TAF1: variants seen among roughly 807,000 people sequenced by gnomAD.
The protein encoded by TAF1 is transcription initiation factor TFIID subunit 1.
TAF1 carries 2 observed loss-of-function variants against 138.5 expected under a neutral mutation model. The ratio of observed to expected loss-of-function variants is 0.01; its 90% CI spans 0.01 to 0.05. TAF1 has a LOEUF of 0.05. Among genes scored for constraint, TAF1 ranks in the 10% least tolerant of loss-of-function variants. The pLI is 1.00. For synonymous variants in TAF1, 437 were observed against 503.2 expected (o/e 0.87, Z 1.76); for missense variants, 709 against 1,478.0 (o/e 0.48, Z 8.53).
intron 28 of TAF1, among the ~76,000 whole-genome samples, chrX:71,410,393 A>G (rs2035709672): frequency 9.3e-6 from 1 of 107,103 alleles, no homozygotes. Flanking sequence ...CATCCTGCAC[A>G]TGTACTAAAA....
At chrX:71,458,394 AT>A in intron 35 of TAF1, 28 bp downstream of exon 35, 1 of 1,202,106 alleles carries the variant, frequency 8.3e-7, no homozygotes, top group Non-Finnish European at 1.1e-6. Context: ...TCTTTATAAG[AT>A]TGTTATTGTG....
intron 25 of TAF1, among the ~76,000 whole-genome samples, chrX:71,403,236 C>T (rs1255610305): frequency 1.8e-5 from 2 of 110,710 alleles, no homozygotes; most frequent in East Asian, 5.7e-4. Flanking sequence ...GCCATGTTGC[C>T]CAGGCTGGTC....
chrX:71,379,102 G>A, intron 8 of TAF1, 71 bp downstream of exon 8: 1 of 532,009 alleles, frequency 1.9e-6, no homozygotes, highest in South Asian at 4.3e-5. Context: ...GGGCTCAGCT[G>A]TGATTTTTTT....
intron 32 of TAF1, among the ~76,000 whole-genome samples, chrX:71,427,566 G>T (rs946371070): frequency 8.9e-6 from 1 of 111,861 alleles, no homozygotes; most frequent in Admixed American, 9.5e-5. Flanking sequence ...TAAGCAGAGG[G>T]CAGATGGACA....
chrX:71,458,446 TA>T (rs2038402266), intron 35 of TAF1, 80 bp downstream of exon 35: 1 of 1,100,342 alleles, frequency 9.1e-7, no homozygotes, highest in African/African-American at 1.8e-5. Flanking sequence ...GTGATGGTGA[TA>T]TGTGACATAT....
intron 13 of TAF1, among the ~76,000 whole-genome samples, chrX:71,505,114 G>C (rs965491336): frequency 9.1e-6 from 1 of 110,337 alleles, no homozygotes; most frequent in African/African-American, 3.3e-5. Flanking sequence ...CTGGGCAACA[G>C]AGCGAGACCC....
intron 11 of TAF1, 53 bp from the exon 12 acceptor site, chrX:71,382,938 A>G (rs2033985259): frequency 8.4e-6 from 10 of 1,192,736 alleles, no homozygotes; most frequent in Non-Finnish European, 1.1e-5. Context: ...ATATGGGAAA[A>G]TCTTGCTTAG....
intron 5 of TAF1, 69 bp from the exon 6 acceptor site, chrX:71,377,534 A>G: frequency 8.9e-7 from 1 of 1,126,698 alleles, no homozygotes; most frequent in Non-Finnish European, 1.2e-6. Flanking sequence ...GGGAGTTTTC[A>G]GGCCCAGATG....
intron 13 of TAF1, among the ~76,000 whole-genome samples, chrX:71,493,925 A>G (rs988502096): frequency 7.1e-5 from 8 of 111,940 alleles, no homozygotes; most frequent in African/African-American, 2.3e-4. Flanking sequence ...GTAAGCTACA[A>G]TTGTGCCACT....
intron 32 of TAF1, among the ~76,000 whole-genome samples, chrX:71,439,252 T>G: frequency 9.0e-6 from 1 of 111,647 alleles, no homozygotes; most frequent in Non-Finnish European, 1.9e-5. Flanking sequence ...CCAATCTGGG[T>G]TTAATGGGGC....
At chrX:71,410,659 G>A (rs145019410) in intron 28 of TAF1, among the ~76,000 whole-genome samples, 2,158 of 109,289 alleles carry the variant, frequency 0.02, 60 homozygotes, top group African/African-American at 0.068. Context: ...GGGTTTCACC[G>A]TGTTAGCCAG....
At chrX:71,426,740 T>C (rs1602635605) in intron 32 of TAF1, among the ~76,000 whole-genome samples, 1 of 105,471 alleles carries the variant, frequency 9.5e-6, no homozygotes, top group African/African-American at 3.4e-5. Flanking sequence ...AAAGAGACAG[T>C]GTTGGGGTTG....
Position 71,450,204 on chromosome X carries a change from G to A in TAF1, c.4754-3966G>A, listed in dbSNP as rs941233858. Among the ~76,000 whole-genome samples the A allele has an allele frequency of 2.8e-5, 3 of 107,376 alleles. No homozygotes were observed. In the South Asian group the frequency reaches 1.2e-3, roughly 43 times the overall value. The allele number at this position is 107,376 out of a possible 115,157, so 93.2% of individuals were successfully genotyped here. ...CTTGTAAGACGTTTTACCTGGAAGA[G>A]ACTTTTTTTTTTTTTTGAGACAGAG... On this transcript the variant is annotated intron_variant, in intron 32 of 37. Transcript: ENST00000423759.
At chrX:71,458,457 T>C (rs2038402852) in intron 35 of TAF1, 91 bp downstream of exon 35, 1 of 1,088,646 alleles carries the variant, frequency 9.2e-7, no homozygotes, top group Non-Finnish European at 1.2e-6. Flanking sequence ...ATGTGACATA[T>C]GTCAAGAATG....
At chrX:71,455,410 C>T (rs748974066) in intron 34 of TAF1, among the ~76,000 whole-genome samples, 3 of 111,900 alleles carry the variant, frequency 2.7e-5, no homozygotes, top group Non-Finnish European at 5.6e-5. Flanking sequence ...AATTTTTAGT[C>T]TTCCTGGTCT....
At chrX:71,524,761 T>C (rs1432889575) in intron 13 of TAF1, among the ~76,000 whole-genome samples, 1 of 108,664 alleles carries the variant, frequency 9.2e-6, no homozygotes. Context: ...GCCAACATGG[T>C]GAAACCCCAT....
intron 28 of TAF1, 92 bp from the exon 29 acceptor site, chrX:71,421,217 G>T: frequency 1.2e-6 from 1 of 801,495 alleles, no homozygotes. Context: ...CACATTTTAG[G>T]TTCTTAAGTA....
At chrX:71,380,811 C>T (rs1327944883) in intron 8 of TAF1, among the ~76,000 whole-genome samples, 3 of 111,716 alleles carry the variant, frequency 2.7e-5, no homozygotes, top group African/African-American at 9.8e-5. Flanking sequence ...GTGCTTCAGC[C>T]TCCCGAGTAG....
At chrX:71,406,335 A>C (rs960898249) in intron 25 of TAF1, among the ~76,000 whole-genome samples, 2 of 107,639 alleles carry the variant, frequency 1.9e-5, no homozygotes, top group Non-Finnish European at 3.8e-5. Context: ...TCAAAAAAAA[A>C]AAAAAAAAAA....
Sources: allele counts gnomAD v4.1 joint callset (sites outside exome capture counted in the v4.1 genomes callset), GRCh38; gene constraint gnomAD v4.1.1; transcripts MANE v1.5; gene names NCBI Gene and HGNC (gene_info 2026-07-23, HGNC 2026-07-21).